The following BMPER variants were observed in gnomAD, a reference collection of about 807,000 sequenced individuals.
BMPER encodes the protein BMP-binding endothelial regulator protein.
BMPER carries 45 observed loss-of-function variants against 87.3 expected under a neutral mutation model. The ratio of observed to expected loss-of-function variants is 0.52; its 90% CI spans 0.41 to 0.66. The LOEUF is 0.66. Ranked by LOEUF, BMPER falls within the 30% of genes least tolerant of loss-of-function variation. The pLI is 0.00. For synonymous variants in BMPER, 326 were observed against 316.2 expected, an observed-to-expected ratio of 1.03 and a Z score of -0.33; for missense variants, 784 against 867.5, an observed-to-expected ratio of 0.90 and a Z score of 1.21.
intron 2 of BMPER, among the ~76,000 whole-genome samples, chr7:33,932,413 C>G (rs547651074): frequency 1.9e-4 from 29 of 152,336 alleles, no homozygotes; most frequent in African/African-American, 7.0e-4. Flanking sequence ...GAAAAAAGAT[C>G]TGTCACTTTG....
chr7:33,926,877 A>G (rs1784373803), intron 2 of BMPER, among the ~76,000 whole-genome samples: 2 of 152,246 alleles, frequency 1.3e-5, no homozygotes, highest in Admixed American at 6.5e-5. Context: ...CAACCTCTGT[A>G]GTTGGTACCA....
chr7:33,957,915 GC>G, intron 3 of BMPER, among the ~76,000 whole-genome samples: 1 of 152,302 alleles, frequency 6.6e-6, no homozygotes, highest in East Asian at 1.9e-4. Context: ...GCAGGATAAT[GC>G]ATTAGTGACA....
At chr7:34,141,925 AG>A (rs2127994346) in intron 13 of BMPER, among the ~76,000 whole-genome samples, 1 of 152,260 alleles carries the variant, frequency 6.6e-6, no homozygotes, top group South Asian at 2.1e-4. Flanking sequence ...TTATACCCAG[AG>A]GTAGCTGACT....
At chr7:34,010,419 A>T (rs572512304) in intron 6 of BMPER, among the ~76,000 whole-genome samples, 1 of 151,956 alleles carries the variant, frequency 6.6e-6, no homozygotes, top group Non-Finnish European at 1.5e-5. Context: ...GTATGAGATG[A>T]TATTTAGGGA....
At chr7:33,955,821 A>G (rs1035731289) in intron 3 of BMPER, among the ~76,000 whole-genome samples, 2 of 152,242 alleles carry the variant, frequency 1.3e-5, no homozygotes, top group African/African-American at 4.8e-5. Context: ...CAAAGCGTGT[A>G]GTACAGCTAC....
chr7:34,125,734 G>A (rs185730552), intron 13 of BMPER, among the ~76,000 whole-genome samples: 434 of 152,232 alleles, frequency 2.9e-3, no homozygotes, highest in Non-Finnish European at 5.2e-3. Flanking sequence ...TCCTTTGCAA[G>A]GCCCCAAGAC....
intron 6 of BMPER, among the ~76,000 whole-genome samples, chr7:34,031,441 A>G (rs1787514348): frequency 6.6e-6 from 1 of 152,112 alleles, no homozygotes; most frequent in Admixed American, 6.6e-5. Context: ...CATACTGCAT[A>G]TATCAAGAAA....
chr7:34,074,227 A>G (rs1788805859), intron 11 of BMPER, among the ~76,000 whole-genome samples: 1 of 152,060 alleles, frequency 6.6e-6, no homozygotes, highest in Non-Finnish European at 1.5e-5. Context: ...AAAGTGACCT[A>G]CTCCTCTCTT....
At chr7:33,948,655 C>G (rs1784946655) in intron 3 of BMPER, among the ~76,000 whole-genome samples, 2 of 152,256 alleles carry the variant, frequency 1.3e-5, no homozygotes, top group South Asian at 4.2e-4. Flanking sequence ...GCACTTCTCC[C>G]TTTGTTCTGT....
intron 6 of BMPER, among the ~76,000 whole-genome samples, chr7:33,996,651 G>C (rs1786420169): frequency 6.6e-6 from 1 of 152,180 alleles, no homozygotes; most frequent in East Asian, 1.9e-4. Flanking sequence ...CTGTCTGGTA[G>C]AAATATGGTG....
intron 13 of BMPER, among the ~76,000 whole-genome samples, chr7:34,086,571 C>T (rs932484410): frequency 3.3e-5 from 5 of 152,132 alleles, no homozygotes; most frequent in African/African-American, 9.7e-5. Context: ...ATCAAATGTG[C>T]ACATGGAAAA....
At chr7:33,981,031 C>T (rs535343860) in intron 6 of BMPER, among the ~76,000 whole-genome samples, 1 of 152,322 alleles carries the variant, frequency 6.6e-6, no homozygotes, top group South Asian at 2.1e-4. Flanking sequence ...TCTGAGCAGC[C>T]AGGCAGGGTC....
At chr7:33,992,714 G>A (rs1323430900) in intron 6 of BMPER, among the ~76,000 whole-genome samples, 6 of 150,348 alleles carry the variant, frequency 4.0e-5, no homozygotes, top group African/African-American at 9.8e-5. Flanking sequence ...TCCTAGTCTC[G>A]ATGGTCTTTA....
intron 2 of BMPER, among the ~76,000 whole-genome samples, chr7:33,934,470 C>A (rs73690108): frequency 0.019 from 2,840 of 150,054 alleles, 90 homozygotes; most frequent in African/African-American, 0.067. Context: ...GGGGAAAAAA[C>A]CCACTAAACC....
chr7:33,920,223 C>T (rs1391387872), intron 2 of BMPER, among the ~76,000 whole-genome samples: 2 of 152,048 alleles, frequency 1.3e-5, no homozygotes, highest in Non-Finnish European at 1.5e-5. Context: ...AGGTCGTTAA[C>T]AAGTCAGTGG....
At chr7:34,068,623 C>T (rs1788657554) in intron 11 of BMPER, among the ~76,000 whole-genome samples, 2 of 152,122 alleles carry the variant, frequency 1.3e-5, no homozygotes, top group Admixed American at 6.5e-5. Context: ...ACTAGTTTTT[C>T]CAGTTTTTTT....
chr7:34,041,600 C>G (rs1241466042), intron 6 of BMPER, among the ~76,000 whole-genome samples: 1 of 152,092 alleles, frequency 6.6e-6, no homozygotes, highest in African/African-American at 2.4e-5. Flanking sequence ...CTTTTTGACC[C>G]AATTTGTAAT....
At chr7:33,905,193 C>T, upstream of BMPER, 1 of 293,862 alleles carries the variant, frequency 3.4e-6, no homozygotes, top group South Asian at 3.2e-5. Context: ...AGCGACAGCC[C>T]CCGAAACAGT....
intron 2 of BMPER, among the ~76,000 whole-genome samples, 167 bp downstream of exon 2, chr7:33,907,070 G>T (rs191308815): frequency 6.6e-6 from 1 of 152,052 alleles, no homozygotes; most frequent in African/African-American, 2.4e-5. Context: ...TGAGTTTTAT[G>T]GACTTTGGCA....
Sources: allele counts gnomAD v4.1 joint callset (sites outside exome capture counted in the v4.1 genomes callset), GRCh38; gene constraint gnomAD v4.1.1; transcripts MANE v1.5; gene names NCBI Gene and HGNC (gene_info 2026-07-23, HGNC 2026-07-21).